Variants in NTRK3 observed in about 807,000 individuals in gnomAD.
NTRK3 encodes the protein neurotrophic receptor tyrosine kinase 3.
A neutral mutation model predicts 91.7 loss-of-function variants in NTRK3; 24 were observed. The observed-to-expected ratio is 0.26, with a 90% CI of 0.19 to 0.37. The LOEUF is 0.37. Ranked by LOEUF, NTRK3 falls within the 10% of genes least tolerant of loss-of-function variation. NTRK3 has a pLI of 1.00. For missense variants in NTRK3, 880 were observed against 1,068.9 expected (o/e 0.82, Z 2.46); for synonymous variants, 483 against 404.0 (o/e 1.20, Z -2.34).
At chr15:88,227,175 G>A (rs1389977410) in intron 3 of NTRK3, among the ~76,000 whole-genome samples, 6 of 152,074 alleles carry the variant, frequency 3.9e-5, no homozygotes, top group Admixed American at 6.6e-5. Flanking sequence ...CATCCTCCCC[G>A]TCGGGTCTCT....
intron 13 of NTRK3, among the ~76,000 whole-genome samples, chr15:88,059,693 TAA>T (rs1486366594): frequency 3.3e-5 from 5 of 152,126 alleles, no homozygotes; most frequent in Non-Finnish European, 7.3e-5. Context: ...GGTCGGGGGA[TAA>T]AGAGGACACT....
Position 88,243,869 on chromosome 15 carries a change from C to T in NTRK3, c.248+12037G>A, listed in dbSNP as rs2052593460. Among the ~76,000 whole-genome samples the T allele has an allele frequency of 6.6e-6, 1 of 152,178 alleles. No homozygotes were observed. The highest frequency in any genetic ancestry group is 1.5e-5 in the Non-Finnish European group (1 of 68,036). On this transcript the variant is annotated intron_variant, in intron 3 of 18. Coordinates refer to ENST00000394480, the Ensembl canonical transcript of NTRK3. This position sits in a 1 kb window ranked among gnomAD's most constrained non-coding sequence, Gnocchi z 4.8. ...AGTTGTGACTTCGTACTGTGGGCCC[C>T]AGCAAGAAACATCCCTAATAGCCAT...
At chr15:87,917,239 G>A (rs1011481354) in intron 17 of NTRK3, among the ~76,000 whole-genome samples, 1 of 152,166 alleles carries the variant, frequency 6.6e-6, no homozygotes, top group Admixed American at 6.5e-5. Context: ...TCTAAAGAAT[G>A]TTAATAATTA....
chr15:88,156,655 C>T (rs1022691760), intron 5 of NTRK3, among the ~76,000 whole-genome samples: 1 of 152,148 alleles, frequency 6.6e-6, no homozygotes, highest in East Asian at 1.9e-4. Flanking sequence ...TAGCACCACC[C>T]ACTCTAAAAT....
chr15:87,950,492 G>A (rs2071003199), intron 14 of NTRK3, among the ~76,000 whole-genome samples: 1 of 152,176 alleles, frequency 6.6e-6, no homozygotes, highest in African/African-American at 2.4e-5. Flanking sequence ...ACAGGAAGGG[G>A]ACCTTGGGAG....
chr15:88,142,508 C>G (rs918618697), intron 6 of NTRK3, among the ~76,000 whole-genome samples: 39 of 152,234 alleles, frequency 2.6e-4, no homozygotes, highest in African/African-American at 8.7e-4. Context: ...CCGGTCATCA[C>G]TCTAGTGGTT....
At chr15:87,884,181 G>C (rs145556870) in intron 17 of NTRK3, among the ~76,000 whole-genome samples, 18 of 151,588 alleles carry the variant, frequency 1.2e-4, no homozygotes, top group African/African-American at 3.9e-4. Flanking sequence ...ATAAACTTTT[G>C]GCAAGATTAA....
chr15:88,248,057 C>T (rs1403159912), intron 3 of NTRK3, among the ~76,000 whole-genome samples: 5 of 152,244 alleles, frequency 3.3e-5, no homozygotes, highest in Non-Finnish European at 7.3e-5. Context: ...TCCAGGCTCT[C>T]GCTGGCCATG....
chr15:88,183,012 A>ACTCCCCCCCCCCCCCCCC (rs749216536), intron 5 of NTRK3, among the ~76,000 whole-genome samples: 1 of 119,880 alleles, frequency 8.3e-6, no homozygotes, highest in African/African-American at 3.1e-5. Flanking sequence ...TCTTCTTGCA[A>ACTCCCCCCCCCCCCCCCC]CCCCCCCCCG....
At chr15:87,898,714 T>C (rs2141628119) in intron 17 of NTRK3, among the ~76,000 whole-genome samples, 1 of 151,254 alleles carries the variant, frequency 6.6e-6, no homozygotes, top group South Asian at 2.1e-4. Flanking sequence ...GGCTGGGTGC[T>C]GTGGCTCACG....
intron 3 of NTRK3, among the ~76,000 whole-genome samples, chr15:88,195,937 TG>T (rs1276445638): frequency 2.0e-5 from 3 of 152,116 alleles, no homozygotes; most frequent in Admixed American, 6.5e-5. Context: ...AAATATGAAA[TG>T]GCCAGGCCAC....
intron 13 of NTRK3, among the ~76,000 whole-genome samples, chr15:88,088,711 G>A (rs1439300447): frequency 6.6e-6 from 1 of 152,154 alleles, no homozygotes; most frequent in Non-Finnish European, 1.5e-5. Context: ...GGACTGTGAA[G>A]TGAATCAGCA....
At chr15:87,919,306 A>G (rs2067681254) in intron 17 of NTRK3, among the ~76,000 whole-genome samples, 1 of 152,146 alleles carries the variant, frequency 6.6e-6, no homozygotes, top group African/African-American at 2.4e-5. Flanking sequence ...CAAAAATGGG[A>G]GGGCACTTCC....
intron 17 of NTRK3, among the ~76,000 whole-genome samples, chr15:87,881,329 A>T (rs1269550690): frequency 6.6e-6 from 1 of 152,238 alleles, no homozygotes; most frequent in African/African-American, 2.4e-5. Flanking sequence ...TTGTTAAAAA[A>T]ACTACTTAAT....
At chr15:88,085,885 G>T (rs573830393) in intron 13 of NTRK3, among the ~76,000 whole-genome samples, 1 of 152,332 alleles carries the variant, frequency 6.6e-6, no homozygotes, top group East Asian at 1.9e-4. Context: ...ATGAGGACAT[G>T]GCTAGGGCCT....
At chr15:88,176,077 T>C (rs1005314497) in intron 5 of NTRK3, among the ~76,000 whole-genome samples, 2 of 152,122 alleles carry the variant, frequency 1.3e-5, no homozygotes, top group African/African-American at 4.8e-5. Flanking sequence ...GTACTATTTA[T>C]ATTTGTACGT....
intron 6 of NTRK3, among the ~76,000 whole-genome samples, chr15:88,144,592 A>G (rs2042709001): frequency 6.6e-6 from 1 of 152,142 alleles, no homozygotes. Context: ...AGATCGGGGT[A>G]GTGATAATAT....
At chr15:88,244,551 A>T (rs1451555012) in intron 3 of NTRK3, among the ~76,000 whole-genome samples, 1 of 150,606 alleles carries the variant, frequency 6.6e-6, no homozygotes, top group Non-Finnish European at 1.5e-5. Flanking sequence ...GACCCCAGAG[A>T]AGATGGCACC....
intron 14 of NTRK3, among the ~76,000 whole-genome samples, chr15:87,964,718 T>C (rs918242601): frequency 7.9e-5 from 12 of 152,300 alleles, no homozygotes; most frequent in Admixed American, 2.6e-4. Flanking sequence ...CTTCTTGACA[T>C]TGCACACAAA....
Sources: allele counts gnomAD v4.1 joint callset (sites outside exome capture counted in the v4.1 genomes callset), GRCh38; gene constraint gnomAD v4.1.1; non-coding constraint Gnocchi (gnomAD v3.1); transcripts MANE v1.5; gene names NCBI Gene and HGNC (gene_info 2026-07-23, HGNC 2026-07-21).